The following EPN1 variants were observed in gnomAD, a reference collection of about 807,000 sequenced individuals.
EPN1 encodes epsin-1.
Under a neutral mutation model 56.9 loss-of-function variants are expected in EPN1, and 25 were observed. That is an observed-to-expected ratio of 0.44 (90% CI 0.32 to 0.61). EPN1 has a LOEUF of 0.61. EPN1 is among the 20% of genes least tolerant of loss of function. EPN1 has a pLI of 0.05. For missense variants in EPN1, 785 were observed against 823.7 expected (o/e 0.95, Z 0.58); for synonymous variants, 411 against 361.8 (o/e 1.14, Z -1.54).
rs758025416 is a variant in EPN1 at position 55,678,596 on chromosome 19, C to T, written c.-32C>T. On this transcript the variant is annotated 5_prime_UTR_variant, in exon 2 of 11. Transcript: ENST00000270460. Reference sequence around the variant, plus strand: ...CGCCCCATCTCTCCACGCATCGGGGCCCTGTGCCCCTTGCTGCTGCAGCCG... The same window carrying T: ...CGCCCCATCTCTCCACGCATCGGGGTCCTGTGCCCCTTGCTGCTGCAGCCG... 2.0e-5 allele frequency: 31 copies of T among 1,583,550 alleles called. No homozygotes were observed. In the Admixed American group the frequency reaches 5.3e-4, roughly 27 times the overall value.
chr19:55,677,402 T>G (rs1411930610), intron 1 of EPN1: 8 of 652,368 alleles, frequency 1.2e-5, no homozygotes, highest in Admixed American at 2.7e-5. Context: ...TTTGCTTGAC[T>G]CTCTTGTTTC....
rs1600117705 is a variant in EPN1, at chr19:55,706,142, C to T, written c.*10786C>T. 1.1e-5 allele frequency: 2 copies of T among 185,188 alleles called. No individual in the cohort carries two copies. The highest frequency in any genetic ancestry group is 7.5e-5 in the South Asian group (1 of 13,302). The allele number at this position is 185,188 out of a possible 1,614,324, so 11.5% of individuals were successfully genotyped here. ...TTATGAGACTGGAGAACTTTGATTT[C>T]TTCTTCCTCCTCCTCCTCTCTTTTC... On this transcript the variant is annotated 3_prime_UTR_variant, in exon 11 of 11. Coordinates refer to ENST00000270460, the MANE Select transcript of EPN1 (RefSeq NM_001130072.2).
chr19:55,683,840 A>G (rs1985990199), intron 2 of EPN1, among the ~76,000 whole-genome samples: 1 of 152,300 alleles, frequency 6.6e-6, no homozygotes, highest in South Asian at 2.1e-4. Flanking sequence ...ACAAAGTCTG[A>G]CCCAGACTGA....
At position 55,678,583 on chromosome 19, in the gene EPN1, C is replaced by T; in HGVS notation, c.-45C>T. On this transcript the variant is annotated 5_prime_UTR_variant, in exon 2 of 11. Coordinates refer to ENST00000270460, the MANE Select transcript of EPN1 (RefSeq NM_001130072.2). ...TTCGTCCGGGAGTCGCCCCATCTCT[C>T]CACGCATCGGGGCCCTGTGCCCCTT... 1 of 1,570,004 alleles carries T rather than the reference C, an allele frequency of 6.4e-7. No individual in the cohort carries two copies. Among genetic ancestry groups the T allele is most frequent in the South Asian group, 1.2e-5 (1 of 86,456 alleles).
chr19:55,693,101 C>G, intron 9 of EPN1, 64 bp downstream of exon 9: 2 of 1,511,796 alleles, frequency 1.3e-6, no homozygotes, highest in South Asian at 1.1e-5. Context: ...TCGGGAGCCC[C>G]GTCCCTTGCT....
rs1986974902 is a variant in EPN1 at position 55,697,965 on chromosome 19, T to G, written c.*2609T>G. On this transcript the variant is annotated 3_prime_UTR_variant, in exon 11 of 11. Transcript: ENST00000270460. ...CTTTATTCAGGACCATCGAGACAGG[T>G]ACAGGTACCATCAGTGGATGGAAAA... 1 of 148,308 alleles carries G rather than the reference T, an allele frequency of 6.7e-6. No individual in the cohort carries two copies. The highest frequency in any genetic ancestry group is 2.5e-5 in the African/African-American group (1 of 39,856). 9.2% of individuals were successfully genotyped at this position (148,308 alleles called of 1,614,324 possible).
In EPN1 at chr19:55,689,234, G is replaced by T. The variant is rs1226516013; in HGVS notation, c.604-63G>T. The T allele has an allele frequency of 7.7e-7, 1 of 1,299,524 alleles. No homozygotes were observed. The highest frequency in any genetic ancestry group is 1.1e-6 in the Non-Finnish European group (1 of 919,696). The allele number at this position is 1,299,524 out of a possible 1,614,324, so 80.5% of individuals were successfully genotyped here. A position where few individuals can be genotyped will look rare whatever the true frequency, so the allele number is the denominator to read the frequency against. On this transcript the variant is annotated intron_variant, in intron 4 of 10. Transcript: ENST00000270460. This position sits in a 1 kb window ranked among gnomAD's most constrained non-coding sequence, Gnocchi z 5.7. Reference sequence around the variant, plus strand: ...CTTTCTTCGGCTCTATCTGACCCTGGCTCTGCCTCTGACTCTGCCTCTGGC... The same window carrying T: ...CTTTCTTCGGCTCTATCTGACCCTGTCTCTGCCTCTGACTCTGCCTCTGGC...
chr19:55,685,941 AGTGCTGGGGACAGG>A (rs1169326375), intron 3 of EPN1, among the ~76,000 whole-genome samples: 1 of 152,218 alleles, frequency 6.6e-6, no homozygotes, highest in Non-Finnish European at 1.5e-5. Flanking sequence ...GAGGGTGATC[AGTGCTGGGGACAGG>A]GCTCTGAGGG....
rs1272253002 is a variant in EPN1, at chr19:55,689,163, TCA to T, written c.604-132_604-131del. 8.7e-7 allele frequency: 1 copy of T among 1,143,024 alleles called. No homozygotes were observed. The highest frequency in any genetic ancestry group is 1.5e-5 in the African/African-American group (1 of 64,892). 70.8% of individuals were successfully genotyped at this position (1,143,024 alleles called of 1,614,324 possible). The stretch of plus-strand genomic sequence containing the variant: ...CCTCACCCCGCCGTCCCTCTGCGTG[TCA>T]CTCTCTGCCTGTCCCTCACTGGTTC... On this transcript the variant is annotated intron_variant, in intron 4 of 10. Transcript: ENST00000270460. This position sits in a 1 kb window ranked among gnomAD's most constrained non-coding sequence, Gnocchi z 5.7.
rs374472448 is a variant in EPN1, at chr19:55,694,774, C to T, written c.1313C>T (p.Ala438Val). ...GAGGTGCCGGCCCGAAGCCCTGGGG[C>T]GTTTGACATGAGTGGGGTCAGGGGA... ...AGEVPARSPG[A>V]FDMSGVRGSL... The change falls in exon 10 of 11, where the codon GCG becomes GTG. Residue 438 changes from alanine to valine, a missense_variant. By Grantham distance (64) the Ala-to-Val change is moderately conservative (BLOSUM62 0). Around this residue, in one of 2 missense-constraint regions of EPN1, gnomAD observed 650 missense variants for 605.0 expected, o/e 1.07. Coordinates refer to ENST00000270460, the MANE Select transcript of EPN1 (RefSeq NM_001130072.2). The surrounding 1 kb of genome is among the most constrained non-coding windows in gnomAD (Gnocchi z 4.2). The T allele has an allele frequency of 2.4e-5, 38 of 1,605,050 alleles. No individual in the cohort carries two copies. The African/African-American group carries it at 2.4e-4, about 10-fold the overall frequency.
intron 2 of EPN1, among the ~76,000 whole-genome samples, chr19:55,684,638 GC>G (rs1986042053): frequency 6.6e-6 from 1 of 152,178 alleles, no homozygotes; most frequent in Admixed American, 6.5e-5. Context: ...ACAGGCCCTT[GC>G]GTGGATCTCT....
In EPN1 at chr19:55,691,797, C is replaced by T. The variant is rs747753970; in HGVS notation, c.806C>T (p.Pro269Leu). Residue 269 changes from proline to leucine, a missense_variant, in exon 7 of 11, where the codon CCT becomes CTT. Around this residue, in one of 2 missense-constraint regions of EPN1, gnomAD observed 650 missense variants for 605.0 expected, o/e 1.07. Coordinates refer to ENST00000270460, the MANE Select transcript of EPN1 (RefSeq NM_001130072.2). The surrounding 1 kb of genome is among the most constrained non-coding windows in gnomAD (Gnocchi z 5.6). The stretch of plus-strand genomic sequence containing the variant: ...GCTGACGTCTTCACGGCCCCAGCTC[C>T]TGCCCCGACCACAGACCCCTGGGGG... ...DLADVFTAPA[P>L]APTTDPWGGP... The T allele has an allele frequency of 2.5e-6, 4 of 1,612,666 alleles. No homozygotes were observed. The highest frequency in any genetic ancestry group is 2.2e-5 in the South Asian group (2 of 90,988).
chr19:55,689,941 C>A lies in EPN1; in HGVS notation c.753C>A (p.Gly251=). 6.2e-7 allele frequency: 1 copy of A among 1,600,988 alleles called. No individual in the cohort carries two copies. The highest frequency in any genetic ancestry group is 8.5e-7 in the Non-Finnish European group (1 of 1,174,300). Residue 251 remains glycine (G), a synonymous_variant, in exon 6 of 11, where the codon GGC becomes GGA. Transcript: ENST00000270460. This position sits in a 1 kb window ranked among gnomAD's most constrained non-coding sequence, Gnocchi z 5.7. ...AIEESKRETG[G]KEESSLMDLA... The stretch of plus-strand genomic sequence containing the variant: ...AGGAGAGCAAGAGGGAGACTGGGGG[C>A]AAGGAGGAGGTGAGCGGGGCTTGTT...
rs1987336387 is a variant in EPN1 at position 55,705,276 on chromosome 19, A to T, written c.*9920A>T. 1 of 152,244 alleles carries T rather than the reference A, an allele frequency of 6.6e-6. No individual in the cohort carries two copies. The highest frequency in any genetic ancestry group is 1.5e-5 in the Non-Finnish European group (1 of 68,048). 9.4% of individuals were successfully genotyped at this position (152,244 alleles called of 1,614,324 possible). ...TATGTTTTGTAAACCTGTCCAGGCAACTTTTTTGCCTACGGAAACACACAA... is the reference window on the plus strand; with the variant it reads ...TATGTTTTGTAAACCTGTCCAGGCATCTTTTTTGCCTACGGAAACACACAA... On this transcript the variant is annotated 3_prime_UTR_variant, in exon 11 of 11. Transcript: ENST00000270460.
rs866222096 is a variant in EPN1, at chr19:55,708,909, C to T, written c.*13553C>T. 2 of 1,535,280 alleles carry T rather than the reference C, an allele frequency of 1.3e-6. No homozygotes were observed. Among genetic ancestry groups the T allele is most frequent in the Non-Finnish European group, 1.7e-6 (2 of 1,150,240 alleles). ...TGAGACGACTACTTCAGGGTGTTCCCCATCAGAGGAGCACACCCCTGATCT... is the reference window on the plus strand; with the variant it reads ...TGAGACGACTACTTCAGGGTGTTCCTCATCAGAGGAGCACACCCCTGATCT... On this transcript the variant is annotated 3_prime_UTR_variant, in exon 11 of 11. Transcript: ENST00000270460.
chr19:55,685,351 C>CT (rs763994577), intron 2 of EPN1, 45 bp from the exon 3 acceptor site: 57 of 1,586,610 alleles, frequency 3.6e-5, no homozygotes, highest in Admixed American at 2.8e-4. Context: ...TCTGGCCCGC[C>CT]TTGTGCCCGG....
In EPN1 at chr19:55,702,229, G is replaced by A. The variant is rs1987175586; in HGVS notation, c.*6873G>A. The A allele has an allele frequency of 6.6e-6, 1 of 152,450 alleles. No individual in the cohort carries two copies. Among genetic ancestry groups the A allele is most frequent in the Admixed American group, 6.5e-5 (1 of 15,276 alleles). 9.4% of individuals were successfully genotyped at this position (152,450 alleles called of 1,614,324 possible). On this transcript the variant is annotated 3_prime_UTR_variant, in exon 11 of 11. Coordinates refer to ENST00000270460, the MANE Select transcript of EPN1 (RefSeq NM_001130072.2). ...GCCTGCCTCGGCCTCCCAAAGTAGTGGGATTGCAGGCGTGAGCCACCGCGC... is the reference window on the plus strand; with the variant it reads ...GCCTGCCTCGGCCTCCCAAAGTAGTAGGATTGCAGGCGTGAGCCACCGCGC...
chr19:55,678,616 C>T lies in EPN1; in HGVS notation c.-12C>T, dbSNP rs751028974. On this transcript the variant is annotated 5_prime_UTR_variant, in exon 2 of 11. Coordinates refer to ENST00000270460, the MANE Select transcript of EPN1 (RefSeq NM_001130072.2). Reference sequence around the variant, plus strand: ...CGGGGCCCTGTGCCCCTTGCTGCTGCAGCCGGGCACCATGTCGACCTCGTC... The same window carrying T: ...CGGGGCCCTGTGCCCCTTGCTGCTGTAGCCGGGCACCATGTCGACCTCGTC... 9 of 1,600,700 alleles carry T rather than the reference C, an allele frequency of 5.6e-6. No homozygotes were observed. Among genetic ancestry groups the T allele is most frequent in the Non-Finnish European group, 8.5e-7 (1 of 1,174,538 alleles).
rs752791573 is a variant in EPN1, at chr19:55,677,678, C to T, written c.-101-849C>T. The T allele has an allele frequency of 3.2e-6, 5 of 1,551,332 alleles. No individual in the cohort carries two copies. In the South Asian group the frequency reaches 4.8e-5, roughly 15 times the overall value. ...CTTATCTCTCCTGAGCCTTGGGCTT[C>T]CGCTATCCTTGGGACGTCTGGTCTT... On this transcript the variant is annotated intron_variant, in intron 1 of 10. Coordinates refer to ENST00000270460, the MANE Select transcript of EPN1 (RefSeq NM_001130072.2).
Sources: allele counts gnomAD v4.1 joint callset (sites outside exome capture counted in the v4.1 genomes callset), GRCh38; gene constraint gnomAD v4.1.1; regional missense constraint gnomAD v4.1.1; non-coding constraint Gnocchi (gnomAD v3.1); transcripts MANE v1.5; gene names NCBI Gene and HGNC (gene_info 2026-07-23, HGNC 2026-07-21).